The following C14orf93 variants were observed in gnomAD, a reference collection of about 807,000 sequenced individuals.
C14orf93 encodes the protein uncharacterized protein C14orf93.
In C14orf93, 23 loss-of-function variants were observed where a neutral mutation model predicts 44.0. That is an observed-to-expected ratio of 0.52 (90% CI 0.38 to 0.74). The LOEUF is 0.74. Among genes scored for constraint, C14orf93 ranks in the 30% least tolerant of loss-of-function variants. The pLI is 0.00. For missense variants in C14orf93, 579 were observed against 678.9 expected (o/e 0.85, Z 1.64); for synonymous variants, 253 against 265.7 (o/e 0.95, Z 0.46).
At position 22,987,966 on chromosome 14, in the gene C14orf93, G is replaced by A. The variant is rs757194886; in HGVS notation, c.1134C>T (p.Ser378=). The change falls in exon 6 of 7, where the codon TCC becomes TCT. Residue 378 remains serine, a synonymous_variant. Coordinates refer to ENST00000299088, the MANE Select transcript of C14orf93 (RefSeq NM_021944.4). The surrounding 1 kb of genome is among the most constrained non-coding windows in gnomAD (Gnocchi z 5.6). ...CCTTCAGGCCTTTAAAGGGGTTCAG[G>A]GAGTTGCGGTACTCACGCCTCTTAG... The part of the protein sequence containing the change: ...FLTKRREYRN[S]LNPFKGLKEK... 6 of 1,613,822 alleles carry A rather than the reference G, an allele frequency of 3.7e-6. No individual in the cohort carries two copies. The African/African-American group carries it at 4.0e-5, about 11-fold the overall frequency.
chr14:22,999,236 G>A lies in C14orf93; in HGVS notation c.-213C>T, dbSNP rs1046773208. On this transcript the variant is annotated 5_prime_UTR_variant, in exon 2 of 7. Coordinates refer to ENST00000299088, the MANE Select transcript of C14orf93 (RefSeq NM_021944.4). Reference sequence around the variant, plus strand: ...TCCTCGGCCTGCAGAAGGGAGACAGGTGCCTTCTATTTGCAGATCCTGTGC... The same window carrying A: ...TCCTCGGCCTGCAGAAGGGAGACAGATGCCTTCTATTTGCAGATCCTGTGC... The A allele has an allele frequency of 1.6e-6, 1 of 628,316 alleles. No homozygotes were observed. The highest frequency in any genetic ancestry group is 2.6e-6 in the Non-Finnish European group (1 of 386,096). 38.9% of individuals were successfully genotyped at this position (628,316 alleles called of 1,614,324 possible).
Position 22,996,087 on chromosome 14 carries a change from G to A in C14orf93, c.779C>T (p.Ala260Val), listed in dbSNP as rs745854199. The A allele has an allele frequency of 1.4e-5, 23 of 1,614,080 alleles. No individual in the cohort carries two copies. The highest frequency in any genetic ancestry group is 4.0e-5 in the African/African-American group (3 of 74,994). The change falls in exon 3 of 7, where the codon GCG becomes GTG. Residue 260 changes from alanine (A) to valine (V), a missense_variant. Coordinates refer to ENST00000299088, the MANE Select transcript of C14orf93 (RefSeq NM_021944.4). The surrounding 1 kb of genome is among the most constrained non-coding windows in gnomAD (Gnocchi z 4.1). ...TGACTCTTCCAAGGCACTGTCCAGC[G>A]CAGCAGCGGCATTGAGCATGTCCTC... ...RPEDMLNAAA[A>V]LDSALEESGP...
In C14orf93 at chr14:22,998,615, C is replaced by T. The variant is rs1035215805; in HGVS notation, c.409G>A (p.Ala137Thr). The T allele has an allele frequency of 3.1e-6, 5 of 1,614,008 alleles. No homozygotes were observed. In the Admixed American group the frequency reaches 5.0e-5, roughly 16 times the overall value. ...CACTCCTCTTCCACGGCAGACAGAGCCTTAAAGGCTTCCCCGGGACTTTCC... is the reference window on the plus strand; with the variant it reads ...CACTCCTCTTCCACGGCAGACAGAGTCTTAAAGGCTTCCCCGGGACTTTCC... ...LKESPGEAFK[A>T]LSAVEEECDS... is the part of the protein sequence containing the mutation. The change falls in exon 2 of 7, where the codon GCT becomes ACT. Residue 137 changes from alanine (A) to threonine (T), a missense_variant. Transcript: ENST00000299088.
rs1409162961 is a variant in C14orf93 at position 22,986,180 on chromosome 14, A to G, written c.*1035T>C. 1 of 152,196 alleles carries G rather than the reference A, an allele frequency of 6.6e-6. No homozygotes were observed. The highest frequency in any genetic ancestry group is 1.5e-5 in the Non-Finnish European group (1 of 68,086). The allele number at this position is 152,196 out of a possible 1,614,324, so 9.4% of individuals were successfully genotyped here. A position where few individuals can be genotyped will look rare whatever the true frequency, so the allele number is the denominator to read the frequency against. On this transcript the variant is annotated 3_prime_UTR_variant, in exon 7 of 7. Transcript: ENST00000299088. The stretch of plus-strand genomic sequence containing the variant: ...TCTGGTTAACTCTTCCCCAGTTTAG[A>G]CATTACACCCTCTCAGAAGAAGCCT...
rs533096724 is a variant in C14orf93, at chr14:23,007,572, C to T, written c.-380+2529G>A. On this transcript the variant is annotated intron_variant, in intron 1 of 6. Transcript: ENST00000299088. ...ACTAGGGGCCCCGAGGATTCCCAGGCAAAATCAACAGAGTTTAGTTTTGCT... is the reference window on the plus strand; with the variant it reads ...ACTAGGGGCCCCGAGGATTCCCAGGTAAAATCAACAGAGTTTAGTTTTGCT... Among the ~76,000 whole-genome samples, 15 of 152,232 alleles carry T rather than the reference C, an allele frequency of 9.9e-5. No homozygotes were observed. The East Asian group carries it at 2.3e-3, about 24-fold the overall frequency.
At chr14:22,994,187 T>C (rs2045828562) in intron 3 of C14orf93, 1 of 152,146 alleles carries the variant, frequency 6.6e-6, no homozygotes, top group East Asian at 1.9e-4. Flanking sequence ...AACTATAAAC[T>C]CATTATAGTC....
chr14:23,009,053 G>A (rs1309708800), intron 1 of C14orf93, among the ~76,000 whole-genome samples: 3 of 152,184 alleles, frequency 2.0e-5, no homozygotes, highest in South Asian at 2.1e-4. Flanking sequence ...ATACACAGCT[G>A]TACACTTAAG....
chr14:22,995,938 G>A lies in C14orf93; in HGVS notation c.918+10C>T. 6.5e-7 allele frequency: 1 copy of A among 1,549,946 alleles called. No individual in the cohort carries two copies. Among genetic ancestry groups the A allele is most frequent in the South Asian group, 1.2e-5 (1 of 82,824 alleles). ...CTGAAGAAAAATTTATAGAAACTGA[G>A]CTCACTCACAGAGAGTACAAGATCC... On this transcript the variant is annotated intron_variant, in intron 3 of 6. Transcript: ENST00000299088.
intron 1 of C14orf93, among the ~76,000 whole-genome samples, chr14:23,003,299 A>G (rs559344574): frequency 5.3e-5 from 8 of 152,322 alleles, no homozygotes; most frequent in Admixed American, 2.0e-4. Context: ...GTTTCCATGG[A>G]CACTATTGCT....
rs1405938805 is a variant in C14orf93 at position 22,987,875 on chromosome 14, A to G, written c.1197+28T>C. 5 of 1,551,942 alleles carry G rather than the reference A, an allele frequency of 3.2e-6. No homozygotes were observed. The East Asian group carries it at 6.7e-5, about 21-fold the overall frequency. On this transcript the variant is annotated intron_variant, in intron 6 of 6. Transcript: ENST00000299088. This position sits in a 1 kb window ranked among gnomAD's most constrained non-coding sequence, Gnocchi z 5.6. ...CTTAGGAAAGGGTTTAGAGTTTAGTATCTTGAAAGAAAGGCCTAGAAACCT... is the reference window on the plus strand; with the variant it reads ...CTTAGGAAAGGGTTTAGAGTTTAGTGTCTTGAAAGAAAGGCCTAGAAACCT...
intron 1 of C14orf93, among the ~76,000 whole-genome samples, chr14:23,008,693 T>C (rs763984588): frequency 6.6e-6 from 1 of 152,198 alleles, no homozygotes; most frequent in Non-Finnish European, 1.5e-5. Flanking sequence ...GAAGTGAAAA[T>C]AGGGCTCCTA....
rs58710730 is a variant in C14orf93 at position 22,995,679 on chromosome 14, C to CAAA, written c.918+266_918+268dup. Among the ~76,000 whole-genome samples the CAAA allele has an allele frequency of 2.1e-3, 95 of 44,960 alleles. 1 individual carries two copies. Among genetic ancestry groups the CAAA allele is most frequent in the African/African-American group, 3.5e-3 (47 of 13,530 alleles). The allele number at this position is 44,960 out of a possible 152,430, so 29.5% of individuals were successfully genotyped here. A position where few individuals can be genotyped will look rare whatever the true frequency, so the allele number is the denominator to read the frequency against. ...TGGGTGACAGAGTGAGACTCTGACT[C>CAAA]AAAAAAAAAAAAAAAAAAAAAAAAG... On this transcript the variant is annotated intron_variant, in intron 3 of 6. Transcript: ENST00000299088.
At chr14:22,994,388 G>C (rs1032838013) in intron 3 of C14orf93, among the ~76,000 whole-genome samples, 1 of 152,144 alleles carries the variant, frequency 6.6e-6, no homozygotes, top group African/African-American at 2.4e-5. Context: ...GTGCAAGTCT[G>C]TAATCCCAAC....
In C14orf93 at chr14:23,003,999, T is replaced by A. The variant is rs1197937236; in HGVS notation, c.-379-4597A>T. Among the ~76,000 whole-genome samples the A allele has an allele frequency of 9.5e-5, 12 of 126,790 alleles. No homozygotes were observed. In the Admixed American group the frequency reaches 1.0e-3, roughly 11 times the overall value. The allele number at this position is 126,790 out of a possible 152,430, so 83.2% of individuals were successfully genotyped here. On this transcript the variant is annotated intron_variant, in intron 1 of 6. Coordinates refer to ENST00000299088, the MANE Select transcript of C14orf93 (RefSeq NM_021944.4). The stretch of plus-strand genomic sequence containing the variant: ...ATCTTGGCTCACTGCAACCTCCACC[T>A]CCCAGGTTCAAGCAATTCTCCTGCC...
chr14:23,004,975 ATATGG>A (rs2139788957), intron 1 of C14orf93: 1 of 152,348 alleles, frequency 6.6e-6, no homozygotes, highest in East Asian at 1.9e-4. Flanking sequence ...AGTCCTAATA[ATATGG>A]TATAGACTGA....
chr14:22,993,393 C>T (rs1022879438), intron 3 of C14orf93, among the ~76,000 whole-genome samples: 13 of 152,184 alleles, frequency 8.5e-5, no homozygotes, highest in Admixed American at 3.3e-4. Flanking sequence ...AAAGTATTGT[C>T]AACTCTTTAT....
intron 3 of C14orf93, among the ~76,000 whole-genome samples, chr14:22,995,399 G>C (rs1355492388): frequency 1.3e-5 from 2 of 152,206 alleles, no homozygotes; most frequent in Non-Finnish European, 2.9e-5. Context: ...CACTAGGAAG[G>C]CTGGGCATGG....
In C14orf93 at chr14:22,987,276, TG is replaced by T; in HGVS notation, c.1555del (p.His519ThrfsTer8). On this transcript the variant is annotated frameshift_variant, in exon 7 of 7. Transcript: ENST00000299088. LOFTEE classifies it high-confidence loss of function. This position sits in a 1 kb window ranked among gnomAD's most constrained non-coding sequence, Gnocchi z 5.6. ...APGSPSFDQP[H>X]KTCCPDLNSF... is the part of the protein sequence containing the mutation. ...GTTCAAGTCAGGACAGCAGGTTTTG[TG>T]GGGTTGGTCAAAAGATGGGGAGCCA... 2 of 1,614,218 alleles carry T rather than the reference TG, an allele frequency of 1.2e-6. No homozygotes were observed. Among genetic ancestry groups the T allele is most frequent in the Non-Finnish European group, 1.7e-6 (2 of 1,180,028 alleles).
intron 3 of C14orf93, among the ~76,000 whole-genome samples, chr14:22,993,458 AC>A (rs2139524006): frequency 6.6e-6 from 1 of 152,338 alleles, no homozygotes; most frequent in South Asian, 2.1e-4. Flanking sequence ...TGCATATTCA[AC>A]ATAGTTATTT....
Sources: allele counts gnomAD v4.1 joint callset (sites outside exome capture counted in the v4.1 genomes callset), GRCh38; gene constraint gnomAD v4.1.1; non-coding constraint Gnocchi (gnomAD v3.1); transcripts MANE v1.5; gene names NCBI Gene and HGNC (gene_info 2026-07-23, HGNC 2026-07-21).